The following PHACTR1 variants were observed in gnomAD, a reference collection of about 807,000 sequenced individuals.
PHACTR1 encodes RPEL repeat containing 1.
PHACTR1 carries 16 observed loss-of-function variants against 69.2 expected under a neutral mutation model. The observed-to-expected ratio is 0.23, with a 90% confidence interval of 0.16 to 0.35. PHACTR1 has a LOEUF of 0.35. Among genes scored for constraint, PHACTR1 ranks in the 10% least tolerant of loss-of-function variants. The pLI is 1.00. For missense variants in PHACTR1, 510 were observed against 734.7 expected, an observed-to-expected ratio of 0.69 and a Z score of 3.54; for synonymous variants, 312 against 284.5, an observed-to-expected ratio of 1.10 and a Z score of -0.97.
At chr6:13,111,409 A>C (rs1817012811) in intron 5 of PHACTR1, among the ~76,000 whole-genome samples, 1 of 152,124 alleles carries the variant, frequency 6.6e-6, no homozygotes, top group Admixed American at 6.6e-5. Context: ...TGCATTTGTT[A>C]ATTTAAATTC....
At chr6:13,025,671 T>TTGTGTG (rs60800778) in intron 4 of PHACTR1, among the ~76,000 whole-genome samples, 7,047 of 140,208 alleles carry the variant, frequency 0.05, 239 homozygotes, top group African/African-American at 0.066. Context: ...CATATATTAT[T>TTGTGTG]TGTGTGTGTG....
rs1806966664 is a variant in PHACTR1 at position 13,057,405 on chromosome 6, AGAAT to A, written c.415+3877_415+3880del. On this transcript the variant is annotated intron_variant, in intron 5 of 14. Coordinates refer to ENST00000332995, the MANE Select transcript of PHACTR1 (RefSeq NM_030948.6). ...ATATTATCCACCATTTTAAAAAGAA[AGAAT>A]AAGTCCATATATTCATATTATTTAT... is the stretch of plus-strand genomic sequence containing the variant. Among the ~76,000 whole-genome samples the A allele has an allele frequency of 2.6e-5, 4 of 152,250 alleles. No individual in the cohort carries two copies. In the South Asian group the frequency reaches 6.2e-4, roughly 24 times the overall value.
intron 8 of PHACTR1, among the ~76,000 whole-genome samples, chr6:13,212,274 A>T (rs1347148416): frequency 6.6e-6 from 1 of 152,192 alleles, no homozygotes; most frequent in Non-Finnish European, 1.5e-5. Flanking sequence ...CTCAGCTCTT[A>T]ACAATGTCTG....
chr6:12,895,823 G>A (rs969328214), intron 4 of PHACTR1, among the ~76,000 whole-genome samples: 1 of 152,214 alleles, frequency 6.6e-6, no homozygotes, highest in African/African-American at 2.4e-5. Flanking sequence ...ATTGGTCTGG[G>A]TAGGTCTCAC....
intron 4 of PHACTR1, among the ~76,000 whole-genome samples, chr6:12,971,575 A>C (rs542671222): frequency 6.6e-6 from 1 of 152,346 alleles, no homozygotes; most frequent in African/African-American, 2.4e-5. Context: ...ATCCACAGGG[A>C]CAGAACATGG....
chr6:13,164,793 T>G (rs913492390), intron 6 of PHACTR1, among the ~76,000 whole-genome samples: 1 of 152,220 alleles, frequency 6.6e-6, no homozygotes, highest in African/African-American at 2.4e-5. Context: ...CTTTCCATTT[T>G]CCTTCATGGG....
intron 4 of PHACTR1, among the ~76,000 whole-genome samples, chr6:12,979,366 A>G (rs893816511): frequency 6.6e-6 from 1 of 152,192 alleles, no homozygotes. Context: ...CAGGCATTGA[A>G]CAAAGGATGC....
At chr6:12,884,419 TA>T (rs1294913209) in intron 4 of PHACTR1, among the ~76,000 whole-genome samples, 2 of 151,592 alleles carry the variant, frequency 1.3e-5, no homozygotes, top group African/African-American at 4.8e-5. Context: ...TTTTTTTTTT[TA>T]GACGGAGTCT....
intron 7 of PHACTR1, chr6:13,184,799 TGTCTGAAGAGA>T (rs755988508): frequency 1.5e-6 from 2 of 1,366,522 alleles, no homozygotes; most frequent in Non-Finnish European, 2.0e-6. Context: ...GTCCCCTCAG[TGTCTGAAGAGA>T]GTCCCTCTGC....
intron 4 of PHACTR1, among the ~76,000 whole-genome samples, chr6:12,805,587 CTG>C (rs1400482508): frequency 2.3e-4 from 34 of 150,638 alleles, no homozygotes; most frequent in African/African-American, 3.2e-4. Context: ...TTCTCTCTCT[CTG>C]TCTCTCTTTC....
At chr6:13,037,113 C>T (rs1384075328) in intron 4 of PHACTR1, among the ~76,000 whole-genome samples, 1 of 152,024 alleles carries the variant, frequency 6.6e-6, no homozygotes, top group Non-Finnish European at 1.5e-5. Context: ...GCCTGATTAC[C>T]CCATGATTCT....
intron 4 of PHACTR1, among the ~76,000 whole-genome samples, chr6:12,803,485 A>G (rs558185540): frequency 1.6e-4 from 24 of 152,268 alleles, no homozygotes; most frequent in African/African-American, 4.8e-4. Flanking sequence ...GGTCACAAAA[A>G]CGTGCCAAAA....
intron 4 of PHACTR1, among the ~76,000 whole-genome samples, chr6:12,850,196 A>C (rs748595986): frequency 3.3e-5 from 5 of 152,200 alleles, no homozygotes; most frequent in Non-Finnish European, 5.9e-5. Context: ...CCTATGCCAG[A>C]TATTGGATCT....
chr6:13,267,016 C>G (rs937606418), intron 10 of PHACTR1: 2 of 152,264 alleles, frequency 1.3e-5, no homozygotes, highest in Non-Finnish European at 2.9e-5. Context: ...TCCTGGAAGC[C>G]TTTCCTGACC....
At chr6:12,927,714 T>A (rs1788422531) in intron 4 of PHACTR1, among the ~76,000 whole-genome samples, 4 of 152,184 alleles carry the variant, frequency 2.6e-5, no homozygotes. Flanking sequence ...GTGATGACAA[T>A]GCCTGGGGCT....
intron 10 of PHACTR1, among the ~76,000 whole-genome samples, chr6:13,250,273 G>A (rs1774200646): frequency 6.6e-6 from 1 of 152,190 alleles, no homozygotes; most frequent in Non-Finnish European, 1.5e-5. Flanking sequence ...GCATGTGCCC[G>A]AAATATCTCC....
intron 4 of PHACTR1, among the ~76,000 whole-genome samples, chr6:12,772,216 G>A (rs887824094): frequency 9.3e-4 from 142 of 152,268 alleles, no homozygotes; most frequent in African/African-American, 3.1e-3. Flanking sequence ...TAGGTTACAT[G>A]CTTTCCAAAT....
intron 4 of PHACTR1, among the ~76,000 whole-genome samples, chr6:12,845,443 C>G (rs908808857): frequency 9.1e-6 from 1 of 110,156 alleles, no homozygotes; most frequent in Admixed American, 8.5e-5. Flanking sequence ...CCCCCCCCCC[C>G]GCCCTCCGTG....
intron 4 of PHACTR1, among the ~76,000 whole-genome samples, chr6:12,937,408 G>T (rs1789580261): frequency 6.6e-6 from 1 of 151,850 alleles, no homozygotes; most frequent in Non-Finnish European, 1.5e-5. Context: ...GAGTGCAATG[G>T]CGCAATCTCA....
Sources: gnomAD v4.1 joint callset for allele counts (sites outside exome capture counted in the v4.1 genomes callset) on GRCh38, gnomAD v4.1.1 for gene constraint, MANE v1.5 for transcripts, NCBI Gene and HGNC (gene_info 2026-07-23, HGNC 2026-07-21) for gene names.